The following LIPG variants were observed in gnomAD, a reference collection of about 807,000 sequenced individuals.
The protein encoded by LIPG is endothelial lipase.
A neutral mutation model predicts 51.8 loss-of-function variants in LIPG; 34 were observed. The ratio of observed to expected loss-of-function variants is 0.66; its 90% confidence interval spans 0.50 to 0.87. The LOEUF (loss-of-function observed/expected upper bound fraction) is 0.87. Ranked by LOEUF, LIPG falls within the 40% of genes least tolerant of loss-of-function variation. The pLI is 0.00. For synonymous variants in LIPG, 246 were observed against 246.1 expected, an observed-to-expected ratio of 1.00 and a Z score of 0.00; for missense variants, 580 against 652.7, an observed-to-expected ratio of 0.89 and a Z score of 1.21.
chr18:49,571,168 G>T (rs745504038), intron 4 of LIPG, among the ~76,000 whole-genome samples: 1 of 152,156 alleles, frequency 6.6e-6, no homozygotes, highest in Non-Finnish European at 1.5e-5. Context: ...CCCCTTGCTG[G>T]TGCAAAGCAG....
chr18:49,597,411 CT>C lies in LIPG; in HGVS notation c.*6890del, dbSNP rs2084988229. ...GAGGTGTCGGTGCCCTCTTTTGTAA[CT>C]GTGGGTTATCTATAGATTGGGGGTG... On this transcript the variant is annotated 3_prime_UTR_variant, in exon 10 of 10. Transcript: ENST00000261292. The C allele has an allele frequency of 6.6e-6, 1 of 152,144 alleles. No homozygotes were observed. Among genetic ancestry groups the C allele is most frequent in the Admixed American group, 6.5e-5 (1 of 15,280 alleles). 9.4% of individuals were successfully genotyped at this position (152,144 alleles called of 1,614,324 possible). A position where few individuals can be genotyped will look rare whatever the true frequency, so the allele number is the denominator to read the frequency against.
chr18:49,585,463 A>T (rs942313591), intron 8 of LIPG, among the ~76,000 whole-genome samples: 8 of 152,230 alleles, frequency 5.3e-5, no homozygotes, highest in African/African-American at 1.4e-4. Flanking sequence ...TGATTTTTTC[A>T]TTCTAATATT....
In LIPG at chr18:49,590,605, C is replaced by A; in HGVS notation, c.*83C>A. ...TGGAGGAAAGTTACTGCTGAGGACC[C>A]ACCCAATGGAAGGATTCTTCTCAGC... is the stretch of plus-strand genomic sequence containing the variant. On this transcript the variant is annotated 3_prime_UTR_variant, in exon 10 of 10. Transcript: ENST00000261292. The A allele has an allele frequency of 7.4e-7, 1 of 1,360,426 alleles. No homozygotes were observed. Among genetic ancestry groups the A allele is most frequent in the Non-Finnish European group, 1.0e-6 (1 of 971,806 alleles). 84.3% of individuals were successfully genotyped at this position (1,360,426 alleles called of 1,614,324 possible). A position where few individuals can be genotyped will look rare whatever the true frequency, so the allele number is the denominator to read the frequency against.
rs1335898111 is a variant in LIPG at position 49,592,843 on chromosome 18, AG to A, written c.*2323del. ...AAAAAATATGGTTAGTGTTTACCTA[AG>A]GTTAACCAATTTCAAGATTAAAATT... On this transcript the variant is annotated 3_prime_UTR_variant, in exon 10 of 10. Coordinates refer to ENST00000261292, the MANE Select transcript of LIPG (RefSeq NM_006033.4). 2.0e-5 allele frequency: 3 copies of A among 152,012 alleles called. No homozygotes were observed. The highest frequency in any genetic ancestry group is 7.2e-5 in the African/African-American group (3 of 41,444). 9.4% of individuals were successfully genotyped at this position (152,012 alleles called of 1,614,324 possible).
At chr18:49,586,885 C>A in intron 9 of LIPG, 35 bp downstream of exon 9, 1 of 1,453,090 alleles carries the variant, frequency 6.9e-7, no homozygotes, top group Non-Finnish European at 9.7e-7. Flanking sequence ...CCACCCAGGA[C>A]ACGTTGACAT....
chr18:49,595,641 A>G lies in LIPG; in HGVS notation c.*5119A>G, dbSNP rs2084978645. 6.6e-6 allele frequency: 1 copy of G among 152,172 alleles called. No individual in the cohort carries two copies. The highest frequency in any genetic ancestry group is 2.4e-5 in the African/African-American group (1 of 41,442). 9.4% of individuals were successfully genotyped at this position (152,172 alleles called of 1,614,324 possible). A position where few individuals can be genotyped will look rare whatever the true frequency, so the allele number is the denominator to read the frequency against. The stretch of plus-strand genomic sequence containing the variant: ...TCAGGAGTGCGAGACCAGCCTGGCC[A>G]ATATGGTGAAACCACGTCTCTGCTA... On this transcript the variant is annotated 3_prime_UTR_variant, in exon 10 of 10. Coordinates refer to ENST00000261292, the MANE Select transcript of LIPG (RefSeq NM_006033.4).
chr18:49,587,103 TA>T (rs2084888731), intron 9 of LIPG, among the ~76,000 whole-genome samples: 1 of 99,876 alleles, frequency 1.0e-5, no homozygotes, highest in African/African-American at 5.4e-5. Context: ...ACCCCATCTC[TA>T]CTAAAAAAAA....
chr18:49,580,926 C>T (rs897541182), intron 5 of LIPG, among the ~76,000 whole-genome samples: 8 of 152,188 alleles, frequency 5.3e-5, no homozygotes, highest in African/African-American at 1.9e-4. Flanking sequence ...AATTCCTCTA[C>T]ATCTTAATGG....
upstream of LIPG, chr18:49,562,013 G>C: frequency 7.0e-7 from 1 of 1,422,100 alleles, no homozygotes; most frequent in Non-Finnish European, 9.2e-7. Flanking sequence ...CGATGGGTCA[G>C]ATGACTCCCA....
At chr18:49,578,111 G>C (rs1203203978) in intron 5 of LIPG, among the ~76,000 whole-genome samples, 7 of 76,510 alleles carry the variant, frequency 9.1e-5, no homozygotes, top group African/African-American at 5.5e-4. Context: ...GGCTGGCCGG[G>C]CGGGGGGCTG....
In LIPG at chr18:49,591,450, G is replaced by GC. The variant is rs2084943081; in HGVS notation, c.*929dup. On this transcript the variant is annotated 3_prime_UTR_variant, in exon 10 of 10. Coordinates refer to ENST00000261292, the MANE Select transcript of LIPG (RefSeq NM_006033.4). ...GAATAGCAAGCAGAGTATCATTCATGCTGGGGCCAGAATGATGGCCGGTTG... is the reference window on the plus strand; with the variant it reads ...GAATAGCAAGCAGAGTATCATTCATGCCTGGGGCCAGAATGATGGCCGGTTG... The GC allele has an allele frequency of 6.6e-6, 1 of 152,212 alleles. No homozygotes were observed. Among genetic ancestry groups the GC allele is most frequent in the African/African-American group, 2.4e-5 (1 of 41,448 alleles). The allele number at this position is 152,212 out of a possible 1,614,324, so 9.4% of individuals were successfully genotyped here. A position where few individuals can be genotyped will look rare whatever the true frequency, so the allele number is the denominator to read the frequency against.
intron 7 of LIPG, among the ~76,000 whole-genome samples, chr18:49,582,870 G>A (rs1033796324): frequency 2.6e-5 from 4 of 152,208 alleles, no homozygotes; most frequent in African/African-American, 7.2e-5. Flanking sequence ...GGTGCATAGC[G>A]ATCTGTATAT....
chr18:49,590,834 C>T lies in LIPG; in HGVS notation c.*312C>T. 2.0e-6 allele frequency: 1 copy of T among 489,580 alleles called. No homozygotes were observed. Among genetic ancestry groups the T allele is most frequent in the East Asian group, 3.9e-5 (1 of 25,622 alleles). The allele number at this position is 489,580 out of a possible 1,614,324, so 30.3% of individuals were successfully genotyped here. ...CCTCTCGTGCACACTGGATTGGTTT[C>T]TCAGTTGCTGGGCGAGCCTGTACTC... On this transcript the variant is annotated 3_prime_UTR_variant, in exon 10 of 10. Coordinates refer to ENST00000261292, the MANE Select transcript of LIPG (RefSeq NM_006033.4).
At chr18:49,587,750 T>C (rs925283018) in intron 9 of LIPG, among the ~76,000 whole-genome samples, 3 of 151,520 alleles carry the variant, frequency 2.0e-5, no homozygotes, top group African/African-American at 7.3e-5. Context: ...TGTAACTAAG[T>C]CCCCAGGTTG....
intron 6 of LIPG, among the ~76,000 whole-genome samples, chr18:49,582,032 G>A (rs145482007): frequency 2.6e-5 from 4 of 152,244 alleles, no homozygotes; most frequent in African/African-American, 7.2e-5. Context: ...AAATCACAAG[G>A]TTTTCTGGGT....
Position 49,562,158 on chromosome 18 carries a change from G to C in LIPG, c.-151G>C, listed in dbSNP as rs2084556618. 6.7e-7 allele frequency: 1 copy of C among 1,487,420 alleles called. No individual in the cohort carries two copies. The highest frequency in any genetic ancestry group is 8.9e-7 in the Non-Finnish European group (1 of 1,124,258). 92.1% of individuals were successfully genotyped at this position (1,487,420 alleles called of 1,614,324 possible). Reference sequence around the variant, plus strand: ...CCTGCCACCGCCCGGGCTCCGTGCCGCCAAGTTTTCATTTTCCACCTTCTC... The same window carrying C: ...CCTGCCACCGCCCGGGCTCCGTGCCCCCAAGTTTTCATTTTCCACCTTCTC... On this transcript the variant is annotated 5_prime_UTR_variant, in exon 1 of 10. Transcript: ENST00000261292.
intron 7 of LIPG, 110 bp downstream of exon 7, chr18:49,582,592 C>A: frequency 7.1e-7 from 1 of 1,418,130 alleles, no homozygotes; most frequent in Non-Finnish European, 9.9e-7. Context: ...AGAGTGCAGT[C>A]CGACTGCTCA....
Position 49,591,197 on chromosome 18 carries a change from T to C in LIPG, c.*675T>C, listed in dbSNP as rs1015002876. On this transcript the variant is annotated 3_prime_UTR_variant, in exon 10 of 10. Coordinates refer to ENST00000261292, the MANE Select transcript of LIPG (RefSeq NM_006033.4). ...GGTAATGGACATATTACTGAGCCTC[T>C]CCATTTGGAACCCAGTGGAGTTGGG... 6.4e-6 allele frequency: 1 copy of C among 156,572 alleles called. No homozygotes were observed. The highest frequency in any genetic ancestry group is 1.4e-5 in the Non-Finnish European group (1 of 70,552). 9.7% of individuals were successfully genotyped at this position (156,572 alleles called of 1,614,324 possible).
At chr18:49,581,312 C>A in intron 5 of LIPG, 103 bp from the exon 6 acceptor site, 1 of 1,458,334 alleles carries the variant, frequency 6.9e-7, no homozygotes, top group Non-Finnish European at 9.6e-7. Flanking sequence ...CTAACAGCAA[C>A]AATAAACAGC....
Sources: gnomAD v4.1 joint callset for allele counts (sites outside exome capture counted in the v4.1 genomes callset) on GRCh38, gnomAD v4.1.1 for gene constraint, MANE v1.5 for transcripts, NCBI Gene and HGNC (gene_info 2026-07-23, HGNC 2026-07-21) for gene names.